PIGR: variants seen among roughly 807,000 people sequenced by gnomAD.
The protein encoded by PIGR is polymeric immunoglobulin receptor.
A neutral mutation model predicts 69.5 loss-of-function variants in PIGR; 22 were observed. The observed-to-expected ratio is 0.32, with a 90% CI of 0.23 to 0.45. The LOEUF (loss-of-function observed/expected upper bound fraction) is 0.45, where lower values mean the gene tolerates loss of function less well. Ranked by LOEUF, PIGR falls within the 20% of genes least tolerant of loss-of-function variation. The pLI is 1.00. For synonymous variants in PIGR, 413 were observed against 407.6 expected, an observed-to-expected ratio of 1.01 and a Z score of -0.16; for missense variants, 885 against 974.0, an observed-to-expected ratio of 0.91 and a Z score of 1.22.
At position 206,942,846 on chromosome 1, in the gene PIGR, C is replaced by T. The variant is rs190465420; in HGVS notation, c.-53-2262G>A. ...GAGCATCAGGCATGCACAGGCAGGTCGGGCAGATGGCAACATCAGCGGGAT... is the reference window on the plus strand; with the variant it reads ...GAGCATCAGGCATGCACAGGCAGGTTGGGCAGATGGCAACATCAGCGGGAT... On this transcript the variant is annotated intron_variant, in intron 1 of 10. Coordinates refer to ENST00000356495, the MANE Select transcript of PIGR (RefSeq NM_002644.4). Among the ~76,000 whole-genome samples, 180 of 152,270 alleles carry T rather than the reference C, an allele frequency of 1.2e-3. 4 individuals are homozygous for T. Among genetic ancestry groups the T allele is most frequent in the Admixed American group, 8.2e-3 (125 of 15,302 alleles).
At position 206,937,715 on chromosome 1, in the gene PIGR, A is replaced by G; in HGVS notation, c.425T>C (p.Val142Ala). 6.8e-6 allele frequency: 11 copies of G among 1,614,044 alleles called. No homozygotes were observed. The highest frequency in any genetic ancestry group is 9.3e-6 in the Non-Finnish European group (11 of 1,179,992). Residue 142 changes from valine to alanine, a missense_variant, in exon 4 of 11, where the codon GTG becomes GCG. Transcript: ENST00000356495. ...GLLNDTKVYT[V>A]DLGRTVTINC... ...GATGGTCACCGTTCTGCCCAGGTCC[A>G]CTGTGTAGACTTTAGTGTCATTTAG...
rs1679729082 is a variant in PIGR, at chr1:206,931,010, C to T, written c.2199+487G>A. ...ATATGGCACCCAAGGCAGGAGTTGC[C>T]TCTGGTGGGGCTTCAAGAGAAGTGA... is the stretch of plus-strand genomic sequence containing the variant. On this transcript the variant is annotated intron_variant, in intron 10 of 10. Coordinates refer to ENST00000356495, the MANE Select transcript of PIGR (RefSeq NM_002644.4). The T allele has an allele frequency of 3.0e-6, 3 of 985,264 alleles. No individual in the cohort carries two copies. The Admixed American group carries it at 1.8e-4, about 61-fold the overall frequency. 61.0% of individuals were successfully genotyped at this position (985,264 alleles called of 1,614,324 possible).
chr1:206,944,332 G>A, intron 1 of PIGR, among the ~76,000 whole-genome samples: 1 of 152,126 alleles, frequency 6.6e-6, no homozygotes, highest in East Asian at 1.9e-4. Context: ...AGTTAGCTGG[G>A]TGTGGTGGCA....
chr1:206,936,500 C>T (rs898215827), intron 4 of PIGR, among the ~76,000 whole-genome samples: 9 of 152,090 alleles, frequency 5.9e-5, no homozygotes, highest in South Asian at 2.1e-4. Context: ...CTGCTTCTCA[C>T]GAGGGCAACT....
intron 7 of PIGR, 35 bp from the exon 8 acceptor site, chr1:206,932,612 G>T: frequency 1.3e-6 from 2 of 1,576,998 alleles, no homozygotes; most frequent in Non-Finnish European, 8.6e-7. Flanking sequence ...ATCCCTGGAA[G>T]GGAGATCTGG....
Position 206,935,857 on chromosome 1 carries a change from C to G in PIGR, c.1046-39G>C, listed in dbSNP as rs372017287. On this transcript the variant is annotated intron_variant, in intron 4 of 10. Coordinates refer to ENST00000356495, the MANE Select transcript of PIGR (RefSeq NM_002644.4). This position sits in a 1 kb window ranked among gnomAD's most constrained non-coding sequence, Gnocchi z 4.4. ...CAGAGATGGGATGGGAGGATGGCCACGCAGGAAGAGCCTTGCGTGGCCTGA... is the reference window on the plus strand; with the variant it reads ...CAGAGATGGGATGGGAGGATGGCCAGGCAGGAAGAGCCTTGCGTGGCCTGA... 4 of 1,502,702 alleles carry G rather than the reference C, an allele frequency of 2.7e-6. No individual in the cohort carries two copies. Among genetic ancestry groups the G allele is most frequent in the Non-Finnish European group, 3.6e-6 (4 of 1,105,066 alleles). The allele number at this position is 1,502,702 out of a possible 1,614,324, so 93.1% of individuals were successfully genotyped here.
Position 206,933,042 on chromosome 1 carries a change from C to A in PIGR, c.1830G>T (p.Ala610=). Residue 610 remains alanine (A), a synonymous_variant, in exon 7 of 11, where the codon GCG becomes GCT. Transcript: ENST00000356495. ...CGGCTTGATCTCTTGTATCTGCCACCGCCTTTTCCTCTGCAAAAAGCCTGG... is the reference window on the plus strand; with the variant it reads ...CGGCTTGATCTCTTGTATCTGCCACAGCCTTTTCCTCTGCAAAAAGCCTGG... ...QDPRLFAEEK[A]VADTRDQADG... 1 of 1,614,180 alleles carries A rather than the reference C, an allele frequency of 6.2e-7. No individual in the cohort carries two copies. The highest frequency in any genetic ancestry group is 8.5e-7 in the Non-Finnish European group (1 of 1,180,032).
Position 206,934,576 on chromosome 1 carries a change from A to G in PIGR, c.1549T>C (p.Phe517Leu). The change falls in exon 6 of 11, where the codon TTC (phenylalanine) becomes CTC (leucine). Residue 517 changes from phenylalanine (F) to leucine (L), a missense_variant. By Grantham distance (22) the Phe-to-Leu change is conservative. Transcript: ENST00000356495. ...PSQDEGPSKAFVNCDENSRLV... is the reference protein window; with the variant it reads ...PSQDEGPSKALVNCDENSRLV... ...CGGCTGTTCTCGTCACAGTTCACGA[A>G]GGCCTTGCTGGGGCCTTCGTCTTGG... The G allele has an allele frequency of 1.2e-6, 2 of 1,614,240 alleles. No homozygotes were observed. Among genetic ancestry groups the G allele is most frequent in the Non-Finnish European group, 1.7e-6 (2 of 1,180,050 alleles).
chr1:206,930,636 C>T lies in PIGR; in HGVS notation c.2200-223G>A. On this transcript the variant is annotated intron_variant, in intron 10 of 10. Transcript: ENST00000356495. This position sits in a 1 kb window ranked among gnomAD's most constrained non-coding sequence, Gnocchi z 4.3. ...AAAATATCTTCTTCTGTCTCACTAC[C>T]TCCTTCTGACACACGGAGTGGAACC... is the stretch of plus-strand genomic sequence containing the variant. 1.0e-6 allele frequency: 1 copy of T among 985,410 alleles called. No individual in the cohort carries two copies. Among genetic ancestry groups the T allele is most frequent in the Non-Finnish European group, 1.2e-6 (1 of 829,924 alleles). 61.0% of individuals were successfully genotyped at this position (985,410 alleles called of 1,614,324 possible).
chr1:206,934,000 G>T (rs1159349578), intron 6 of PIGR, among the ~76,000 whole-genome samples: 1 of 151,848 alleles, frequency 6.6e-6, no homozygotes, highest in Admixed American at 6.6e-5. Context: ...CACCCAAATA[G>T]CTGGGATTAC....
rs186432176 is a variant in PIGR, at chr1:206,933,350, T to C, written c.1706-184A>G. Among the ~76,000 whole-genome samples, 5 of 152,296 alleles carry C rather than the reference T, an allele frequency of 3.3e-5. 1 individual carries two copies. In the East Asian group the frequency reaches 7.7e-4, roughly 24 times the overall value. On this transcript the variant is annotated intron_variant, in intron 6 of 10. Transcript: ENST00000356495. ...GATGGCCTTCTTCAGCTGTCACAGA[T>C]GATCTCTGCCCCATTACTACCAAAA... is the stretch of plus-strand genomic sequence containing the variant.
In PIGR at chr1:206,937,227, C is replaced by G; in HGVS notation, c.913G>C (p.Asp305His). 2 of 1,614,200 alleles carry G rather than the reference C, an allele frequency of 1.2e-6. No homozygotes were observed. The highest frequency in any genetic ancestry group is 8.5e-7 in the Non-Finnish European group (1 of 1,180,032). ...GRILLNPQDK[D>H]GSFSVVITGL... ...GTGATCACCACACTGAATGAGCCAT[C>G]CTTGTCCTGGGGGTTGAGCAGGATC... The change falls in exon 4 of 11, where the codon GAT becomes CAT. Residue 305 changes from aspartate (D) to histidine (H), a missense_variant. Transcript: ENST00000356495.
At chr1:206,944,505 C>T (rs1680063450) in intron 1 of PIGR, among the ~76,000 whole-genome samples, 2 of 152,078 alleles carry the variant, frequency 1.3e-5, no homozygotes, top group Non-Finnish European at 2.9e-5. Context: ...TGAAGAGACA[C>T]CTGGACCCAG....
chr1:206,933,255 G>A, intron 6 of PIGR, 89 bp from the exon 7 acceptor site: 1 of 1,335,170 alleles, frequency 7.5e-7, no homozygotes, highest in Non-Finnish European at 1.0e-6. Flanking sequence ...ACTTCATGAG[G>A]AATCACAGGG....
rs555748537 is a variant in PIGR at position 206,931,469 on chromosome 1, G to A, written c.2199+28C>T. The A allele has an allele frequency of 5.6e-6, 9 of 1,613,958 alleles. No individual in the cohort carries two copies. The African/African-American group carries it at 1.1e-4, about 19-fold the overall frequency. On this transcript the variant is annotated intron_variant, in intron 10 of 10. Transcript: ENST00000356495. ...CCCTCATGCTGCATTTCTTTGTCATGTAGTGGGGCTTCCTTCTTCCTCCTC... is the reference window on the plus strand; with the variant it reads ...CCCTCATGCTGCATTTCTTTGTCATATAGTGGGGCTTCCTTCTTCCTCCTC...
Position 206,940,483 on chromosome 1 carries a change from A to T in PIGR, c.43+6T>A. 6.4e-7 allele frequency: 1 copy of T among 1,551,448 alleles called. No individual in the cohort carries two copies. Among genetic ancestry groups the T allele is most frequent in the Non-Finnish European group, 8.7e-7 (1 of 1,146,906 alleles). ...AGCTTGGAGAGTTGGGGCCTGGCAGACACACCTGGGAAGACCGCCAGCAGG... is the reference window on the plus strand; with the variant it reads ...AGCTTGGAGAGTTGGGGCCTGGCAGTCACACCTGGGAAGACCGCCAGCAGG... On this transcript the variant is annotated splice_donor_region_variant and intron_variant, in intron 2 of 10. Coordinates refer to ENST00000356495, the MANE Select transcript of PIGR (RefSeq NM_002644.4).
At position 206,930,427 on chromosome 1, in the gene PIGR, G is replaced by A. The variant is rs1411731445; in HGVS notation, c.2200-14C>T. 3.7e-6 allele frequency: 6 copies of A among 1,611,772 alleles called. No individual in the cohort carries two copies. The South Asian group carries it at 4.4e-5, about 12-fold the overall frequency. ...CTCCTTGGATGACTAAGGGGCAAGAGGAGAGGCATCAGTGTTGGGGGCACT... is the reference window on the plus strand; with the variant it reads ...CTCCTTGGATGACTAAGGGGCAAGAAGAGAGGCATCAGTGTTGGGGGCACT... On this transcript the variant is annotated splice_polypyrimidine_tract_variant and intron_variant, in intron 10 of 10. Transcript: ENST00000356495. This position sits in a 1 kb window ranked among gnomAD's most constrained non-coding sequence, Gnocchi z 4.3.
Position 206,930,427 on chromosome 1 carries a change from G to GGA in PIGR, c.2200-16_2200-15dup. The GGA allele has an allele frequency of 6.2e-7, 1 of 1,611,890 alleles. No individual in the cohort carries two copies. The highest frequency in any genetic ancestry group is 2.2e-5 in the East Asian group (1 of 44,764). On this transcript the variant is annotated splice_polypyrimidine_tract_variant and intron_variant, in intron 10 of 10. Coordinates refer to ENST00000356495, the MANE Select transcript of PIGR (RefSeq NM_002644.4). The surrounding 1 kb of genome is among the most constrained non-coding windows in gnomAD (Gnocchi z 4.3). ...CTCCTTGGATGACTAAGGGGCAAGAGGAGAGGCATCAGTGTTGGGGGCACT... is the reference window on the plus strand; with the variant it reads ...CTCCTTGGATGACTAAGGGGCAAGAGGAGAGAGGCATCAGTGTTGGGGGCACT...
Position 206,940,649 on chromosome 1 carries a change from GT to G in PIGR, c.-53-66del, listed in dbSNP as rs1458645778. The G allele has an allele frequency of 9.4e-5, 95 of 1,005,762 alleles. No individual in the cohort carries two copies. The African/African-American group carries it at 1.5e-3, about 16-fold the overall frequency. The allele number at this position is 1,005,762 out of a possible 1,614,324, so 62.3% of individuals were successfully genotyped here. A position where few individuals can be genotyped will look rare whatever the true frequency, so the allele number is the denominator to read the frequency against. ...TCTTCCAAGACTAGTTGACCTTAGA[GT>G]TTCTGTGACATCTATTTGGCTTTGT... On this transcript the variant is annotated intron_variant, in intron 1 of 10. Coordinates refer to ENST00000356495, the MANE Select transcript of PIGR (RefSeq NM_002644.4).
Sources: allele counts gnomAD v4.1 joint callset (sites outside exome capture counted in the v4.1 genomes callset), GRCh38; gene constraint gnomAD v4.1.1; non-coding constraint Gnocchi (gnomAD v3.1); transcripts MANE v1.5; gene names NCBI Gene and HGNC (gene_info 2026-07-23, HGNC 2026-07-21).